KIF6: variants seen among roughly 807,000 people sequenced by gnomAD.
The protein encoded by KIF6 is kinesin family member 6.
A neutral mutation model predicts 112.7 loss-of-function variants in KIF6; 106 were observed. The observed-to-expected ratio is 0.94, with a 90% confidence interval of 0.80 to 1.11. KIF6 has a LOEUF of 1.11. Ranked by LOEUF, KIF6 falls within the 50% of genes least tolerant of loss-of-function variation. KIF6 has a pLI of 0.00. For missense variants in KIF6, 929 were observed against 964.0 expected, an observed-to-expected ratio of 0.96 and a Z score of 0.48; for synonymous variants, 339 against 339.9, an observed-to-expected ratio of 1.00 and a Z score of 0.03.
chr6:39,579,468 G>A (rs1781167032), intron 9 of KIF6, among the ~76,000 whole-genome samples: 1 of 151,820 alleles, frequency 6.6e-6, no homozygotes, highest in Admixed American at 6.6e-5. Context: ...CTATATTCTG[G>A]ATGTGAATCC....
At chr6:39,529,107 T>G (rs1174625607) in intron 13 of KIF6, among the ~76,000 whole-genome samples, 1 of 152,194 alleles carries the variant, frequency 6.6e-6, no homozygotes, top group African/African-American at 2.4e-5. Flanking sequence ...ACTATTTATA[T>G]GCAGAAGAAC....
At chr6:39,391,507 C>G (rs538967142) in intron 15 of KIF6, among the ~76,000 whole-genome samples, 14 of 152,324 alleles carry the variant, frequency 9.2e-5, no homozygotes, top group African/African-American at 2.9e-4. Flanking sequence ...TATACAGGGT[C>G]TGCTCATCTC....
chr6:39,358,402 C>G (rs1184548327), intron 18 of KIF6, among the ~76,000 whole-genome samples: 3 of 152,210 alleles, frequency 2.0e-5, no homozygotes, highest in Non-Finnish European at 4.4e-5. Context: ...CCAGTGTATC[C>G]CACCATCCCC....
chr6:39,706,596 G>T (rs1789226384), intron 3 of KIF6, among the ~76,000 whole-genome samples: 2 of 152,184 alleles, frequency 1.3e-5, no homozygotes, highest in Admixed American at 1.3e-4. Context: ...TAATTGTAAA[G>T]TCACAAAAGC....
chr6:39,498,387 T>A (rs998039354), intron 13 of KIF6, among the ~76,000 whole-genome samples: 1 of 152,176 alleles, frequency 6.6e-6, no homozygotes, highest in Non-Finnish European at 1.5e-5. Flanking sequence ...GAGCTGGTCA[T>A]TTAGAAGGTG....
At chr6:39,354,188 G>T (rs1764468595) in intron 19 of KIF6, 3 of 304,594 alleles carry the variant, frequency 9.8e-6, no homozygotes, top group African/African-American at 6.6e-5. Context: ...TAGCTGAGTT[G>T]CCACCCTCCT....
chr6:39,366,763 A>C (rs1448333092), intron 16 of KIF6, among the ~76,000 whole-genome samples: 1 of 152,198 alleles, frequency 6.6e-6, no homozygotes, highest in Non-Finnish European at 1.5e-5. Context: ...AGCTGAAGTC[A>C]GTGAAGAAAC....
intron 13 of KIF6, among the ~76,000 whole-genome samples, chr6:39,442,982 C>T (rs1323586690): frequency 2.6e-5 from 4 of 151,618 alleles, no homozygotes; most frequent in Admixed American, 2.0e-4. Flanking sequence ...GGCGTGGTGG[C>T]GGGCACCTGT....
intron 15 of KIF6, among the ~76,000 whole-genome samples, chr6:39,416,792 G>A (rs968293741): frequency 6.6e-6 from 1 of 152,208 alleles, no homozygotes; most frequent in East Asian, 1.9e-4. Flanking sequence ...CAAACTACCC[G>A]AGGAGACAGT....
intron 13 of KIF6, among the ~76,000 whole-genome samples, chr6:39,488,566 G>A (rs1235342243): frequency 6.6e-6 from 1 of 152,138 alleles, no homozygotes; most frequent in Non-Finnish European, 1.5e-5. Context: ...GGTCTTGCTT[G>A]TTTACTAGAT....
chr6:39,619,110 A>G (rs1237085502), intron 5 of KIF6, among the ~76,000 whole-genome samples: 1 of 152,204 alleles, frequency 6.6e-6, no homozygotes, highest in Non-Finnish European at 1.5e-5. Context: ...CTACAACACC[A>G]AGTTCTAACT....
At chr6:39,682,112 T>C (rs112204360) in intron 3 of KIF6, among the ~76,000 whole-genome samples, 4 of 152,298 alleles carry the variant, frequency 2.6e-5, no homozygotes, top group African/African-American at 9.6e-5. Flanking sequence ...CATGTTCTCA[T>C]GGAACTTATG....
chr6:39,633,571 G>C (rs993487306), intron 5 of KIF6, among the ~76,000 whole-genome samples: 51 of 152,242 alleles, frequency 3.3e-4, no homozygotes, highest in African/African-American at 1.1e-3. Flanking sequence ...CTTCACAAAA[G>C]AAGAAAAAGT....
At chr6:39,337,155 T>TTTCTTTCTTTC (rs1554195028) in intron 22 of KIF6, among the ~76,000 whole-genome samples, 21 of 53,698 alleles carry the variant, frequency 3.9e-4, no homozygotes, top group Non-Finnish European at 6.7e-4. Context: ...TTTCTCTTTC[T>TTTCTTTCTTTC]TTTCTTTCTT....
At chr6:39,650,760 G>A (rs907987747) in intron 3 of KIF6, among the ~76,000 whole-genome samples, 3 of 151,974 alleles carry the variant, frequency 2.0e-5, no homozygotes, top group South Asian at 2.1e-4. Flanking sequence ...GGACAGAATC[G>A]TGCATAAAAT....
At chr6:39,483,181 C>T (rs1308722361) in intron 13 of KIF6, among the ~76,000 whole-genome samples, 1 of 152,202 alleles carries the variant, frequency 6.6e-6, no homozygotes, top group African/African-American at 2.4e-5. Context: ...CTCTTGCTCC[C>T]TGCTGATCTT....
At chr6:39,352,776 G>A (rs1299881224) in intron 19 of KIF6, among the ~76,000 whole-genome samples, 2 of 152,016 alleles carry the variant, frequency 1.3e-5, no homozygotes, top group African/African-American at 2.4e-5. Flanking sequence ...GCAAATTTTT[G>A]TATTTTTAGT....
At chr6:39,364,900 A>G (rs1765443361) in intron 16 of KIF6, among the ~76,000 whole-genome samples, 1 of 152,202 alleles carries the variant, frequency 6.6e-6, no homozygotes, top group Admixed American at 6.5e-5. Flanking sequence ...AACACTGCTT[A>G]TGATTTTTAG....
At chr6:39,714,402 G>C (rs1019330687) in intron 3 of KIF6, among the ~76,000 whole-genome samples, 5 of 152,112 alleles carry the variant, frequency 3.3e-5, no homozygotes, top group African/African-American at 1.2e-4. Flanking sequence ...ATGCAACCCT[G>C]AGTAGTGTCA....
Sources: gnomAD v4.1 joint callset for allele counts (sites outside exome capture counted in the v4.1 genomes callset) on GRCh38, gnomAD v4.1.1 for gene constraint, MANE v1.5 for transcripts, NCBI Gene and HGNC (gene_info 2026-07-23, HGNC 2026-07-21) for gene names.